Variants in ROBO1 observed in about 807,000 individuals in gnomAD.
The protein encoded by ROBO1 is roundabout guidance receptor 1.
In ROBO1, 149 loss-of-function variants were observed where a neutral mutation model predicts 195.9. The ratio of observed to expected loss-of-function variants is 0.76; its 90% CI spans 0.67 to 0.87. ROBO1 has a LOEUF of 0.87. Among genes scored for constraint, ROBO1 ranks in the 40% least tolerant of loss-of-function variants. The pLI, the probability that ROBO1 is intolerant of heterozygous loss-of-function variation, is 0.00. For synonymous variants in ROBO1, 816 were observed against 733.2 expected, an observed-to-expected ratio of 1.11 and a Z score of -1.82; for missense variants, 1,933 against 2,068.3, an observed-to-expected ratio of 0.93 and a Z score of 1.27.
At chr3:79,607,132 C>CACACAT (rs1491185745) in intron 1 of ROBO1, among the ~76,000 whole-genome samples, 1 of 150,092 alleles carries the variant, frequency 6.7e-6, no homozygotes, top group Non-Finnish European at 1.5e-5. Context: ...CACACACACA[C>CACACAT]ATAGTGGAAC....
chr3:78,611,331 C>T (rs771404578), intron 28 of ROBO1, among the ~76,000 whole-genome samples: 4 of 152,132 alleles, frequency 2.6e-5, no homozygotes, highest in Non-Finnish European at 4.4e-5. Context: ...GTTTTTAAAT[C>T]AACTATGTAA....
At chr3:79,656,118 C>G (rs770622865) in intron 1 of ROBO1, among the ~76,000 whole-genome samples, 4 of 152,128 alleles carry the variant, frequency 2.6e-5, no homozygotes, top group Middle Eastern at 6.8e-3. Flanking sequence ...GGTTTTAAAT[C>G]AGTTTTTATA....
At chr3:78,708,200 A>G (rs188877161) in intron 8 of ROBO1, among the ~76,000 whole-genome samples, 2 of 152,208 alleles carry the variant, frequency 1.3e-5, no homozygotes, top group Non-Finnish European at 2.9e-5. Context: ...GAAATCTTAG[A>G]GGCTGAGGAC....
chr3:79,049,629 T>C (rs1417708734), intron 3 of ROBO1, among the ~76,000 whole-genome samples: 1 of 151,648 alleles, frequency 6.6e-6, no homozygotes, highest in African/African-American at 2.4e-5. Flanking sequence ...AAAGAAAAAA[T>C]GTTAAGGGCA....
At chr3:78,975,591 T>C (rs1441531914) in intron 3 of ROBO1, among the ~76,000 whole-genome samples, 1 of 151,714 alleles carries the variant, frequency 6.6e-6, no homozygotes, top group African/African-American at 2.4e-5. Flanking sequence ...TGAGAGGAAA[T>C]GAAAGATAAG....
At chr3:78,859,184 G>C (rs1576302268) in intron 4 of ROBO1, among the ~76,000 whole-genome samples, 4 of 152,148 alleles carry the variant, frequency 2.6e-5, no homozygotes, top group African/African-American at 9.7e-5. Context: ...CGATAGAGCT[G>C]GAGTGTGTTT....
intron 2 of ROBO1, among the ~76,000 whole-genome samples, chr3:79,398,636 C>T (rs934330157): frequency 6.6e-6 from 1 of 152,040 alleles, no homozygotes; most frequent in African/African-American, 2.4e-5. Flanking sequence ...CTCAGTGGGA[C>T]AGTTGGAAGT....
At chr3:79,418,806 A>G (rs868448608) in intron 2 of ROBO1, among the ~76,000 whole-genome samples, 3 of 152,280 alleles carry the variant, frequency 2.0e-5, no homozygotes, top group South Asian at 2.1e-4. Flanking sequence ...AAGAAAACTT[A>G]GAAGATAAAT....
At chr3:78,959,942 G>A (rs1346352240) in intron 3 of ROBO1, among the ~76,000 whole-genome samples, 1 of 152,134 alleles carries the variant, frequency 6.6e-6, no homozygotes, top group Non-Finnish European at 1.5e-5. Context: ...TGCTTTTGGG[G>A]AGTGGGGGAG....
intron 2 of ROBO1, among the ~76,000 whole-genome samples, chr3:79,256,022 T>C (rs1200300598): frequency 6.6e-6 from 1 of 152,212 alleles, no homozygotes; most frequent in African/African-American, 2.4e-5. Flanking sequence ...CTTGGCAGAC[T>C]AGTAATCTCC....
chr3:78,677,906 T>C (rs1708539290), intron 10 of ROBO1, among the ~76,000 whole-genome samples: 1 of 151,566 alleles, frequency 6.6e-6, no homozygotes, highest in Non-Finnish European at 1.5e-5. Context: ...TATTCCAAAA[T>C]TGACCACGTA....
At chr3:78,667,454 T>C (rs1707799307) in intron 14 of ROBO1, among the ~76,000 whole-genome samples, 1 of 152,072 alleles carries the variant, frequency 6.6e-6, no homozygotes, top group African/African-American at 2.4e-5. Context: ...TACAATAAAT[T>C]ATTATTGACT....
At chr3:79,485,367 C>A (rs903909721) in intron 2 of ROBO1, among the ~76,000 whole-genome samples, 6 of 151,630 alleles carry the variant, frequency 4.0e-5, no homozygotes, top group Non-Finnish European at 8.8e-5. Context: ...ATTATAACTT[C>A]AAATTGATAA....
chr3:79,056,917 G>T (rs898390875), intron 3 of ROBO1, among the ~76,000 whole-genome samples: 1 of 152,080 alleles, frequency 6.6e-6, no homozygotes, highest in African/African-American at 2.4e-5. Flanking sequence ...TGAGCTCAGT[G>T]TAGAATACTT....
intron 2 of ROBO1, among the ~76,000 whole-genome samples, chr3:79,145,252 T>C (rs907128137): frequency 2.0e-5 from 3 of 151,300 alleles, no homozygotes; most frequent in African/African-American, 7.3e-5. Context: ...AATATCAGAG[T>C]AATAGGTAGT....
chr3:79,509,664 C>T (rs1378281500), intron 2 of ROBO1, among the ~76,000 whole-genome samples: 1 of 152,068 alleles, frequency 6.6e-6, no homozygotes, highest in African/African-American at 2.4e-5. Context: ...CATTACCCCG[C>T]ACTTAACACA....
In ROBO1 at chr3:78,859,034, C is replaced by G. The variant is rs150135761; in HGVS notation, c.499+79567G>C. On this transcript the variant is annotated intron_variant, in intron 4 of 30. Coordinates refer to ENST00000464233, the MANE Select transcript of ROBO1 (RefSeq NM_002941.4). ...TAAATCACTCATTAATTCCACAACT[C>G]TCTGTTGAACTCTTGTCCTATGCCA... Among the ~76,000 whole-genome samples the G allele has an allele frequency of 8.0e-3, 1,221 of 152,116 alleles. 26 individuals carry two copies. Among genetic ancestry groups the G allele is most frequent in the Admixed American group, 0.028 (435 of 15,286 alleles).
intron 2 of ROBO1, among the ~76,000 whole-genome samples, chr3:79,271,759 G>C (rs2030579998): frequency 6.6e-6 from 1 of 151,922 alleles, no homozygotes; most frequent in Non-Finnish European, 1.5e-5. Flanking sequence ...GTTTATATAA[G>C]ATTCCCAGAA....
At position 78,723,251 on chromosome 3, in the gene ROBO1, A is replaced by G. The variant is rs78883816; in HGVS notation, c.658-5368T>C. On this transcript the variant is annotated intron_variant, in intron 5 of 30. Transcript: ENST00000464233. ...TTGCCGTTGTGTTAGAATTGCCTACAGTATTCAATCCAGTAGCATACTGTA... is the reference window on the plus strand; with the variant it reads ...TTGCCGTTGTGTTAGAATTGCCTACGGTATTCAATCCAGTAGCATACTGTA... 6.7e-3 allele frequency among the ~76,000 whole-genome samples: 1,013 copies of G among 152,290 alleles called. 7 individuals are homozygous for G. The highest frequency in any genetic ancestry group is 0.024 in the African/African-American group (977 of 41,560).
Sources: gnomAD v4.1 joint callset for allele counts (sites outside exome capture counted in the v4.1 genomes callset) on GRCh38, gnomAD v4.1.1 for gene constraint, MANE v1.5 for transcripts, NCBI Gene and HGNC (gene_info 2026-07-23, HGNC 2026-07-21) for gene names.